Variants in SKAP2 observed in about 807,000 individuals in gnomAD.
SKAP2 encodes the protein src kinase associated phosphoprotein 2.
In SKAP2, 28 loss-of-function variants were observed where a neutral mutation model predicts 54.9. The ratio of observed to expected loss-of-function variants is 0.51; its 90% CI spans 0.38 to 0.70. The LOEUF (loss-of-function observed/expected upper bound fraction) is 0.70, where lower values mean the gene tolerates loss of function less well. Among genes scored for constraint, SKAP2 ranks in the 30% least tolerant of loss-of-function variants. SKAP2 has a pLI of 0.00. For missense variants in SKAP2, 356 were observed against 424.1 expected (o/e 0.84, Z 1.41); for synonymous variants, 137 against 134.3 (o/e 1.02, Z -0.14).
chr7:26,722,385 AT>A lies in SKAP2; in HGVS notation c.796+3042del, dbSNP rs35643377. Among the ~76,000 whole-genome samples the A allele has an allele frequency of 9.5e-3, 848 of 89,000 alleles. 4 individuals carry two copies. Among genetic ancestry groups the A allele is most frequent in the African/African-American group, 0.036 (786 of 22,074 alleles). The allele number at this position is 89,000 out of a possible 152,430, so 58.4% of individuals were successfully genotyped here. A position where few individuals can be genotyped will look rare whatever the true frequency, so the allele number is the denominator to read the frequency against. On this transcript the variant is annotated intron_variant, in intron 9 of 12. Coordinates refer to ENST00000345317, the MANE Select transcript of SKAP2 (RefSeq NM_003930.5). ...TTTTCAAGGGATATTATGCAATGCA[AT>A]TTTTTTTTTTTTTTTTTTTTTTTGA...
intron 3 of SKAP2, among the ~76,000 whole-genome samples, chr7:26,848,662 G>A (rs1784976584): frequency 6.6e-6 from 1 of 152,132 alleles, no homozygotes; most frequent in Non-Finnish European, 1.5e-5. Flanking sequence ...GACAAATGGG[G>A]AAAAATTACT....
intron 8 of SKAP2, 111 bp downstream of exon 8, chr7:26,725,812 C>G: frequency 1.1e-6 from 1 of 901,266 alleles, no homozygotes; most frequent in Middle Eastern, 3.2e-4. Context: ...CAGTCACATT[C>G]AAGTTGGTCA....
At chr7:26,708,329 C>T (rs1787214438) in intron 9 of SKAP2, among the ~76,000 whole-genome samples, 1 of 152,126 alleles carries the variant, frequency 6.6e-6, no homozygotes, top group African/African-American at 2.4e-5. Context: ...GGGGTTTCTT[C>T]CACCACTTCC....
intron 3 of SKAP2, among the ~76,000 whole-genome samples, chr7:26,845,116 C>T (rs950850359): frequency 1.3e-5 from 2 of 152,128 alleles, no homozygotes; most frequent in Non-Finnish European, 2.9e-5. Flanking sequence ...GAAAAACAGC[C>T]ACCTCAGGGA....
intron 4 of SKAP2, among the ~76,000 whole-genome samples, chr7:26,796,630 T>C (rs567128016): frequency 6.6e-6 from 1 of 152,346 alleles, no homozygotes; most frequent in East Asian, 1.9e-4. Context: ...AGATAATCGA[T>C]TGCATAAATA....
intron 4 of SKAP2, among the ~76,000 whole-genome samples, chr7:26,809,251 T>C (rs549627554): frequency 1.2e-4 from 18 of 152,106 alleles, no homozygotes; most frequent in Admixed American, 1.2e-3. Flanking sequence ...TCATCTCTAC[T>C]AAACATACAA....
At chr7:26,827,801 CTTAAT>C (rs1312875780) in intron 4 of SKAP2, among the ~76,000 whole-genome samples, 1 of 152,128 alleles carries the variant, frequency 6.6e-6, no homozygotes, top group African/African-American at 2.4e-5. Context: ...AATGCTTATT[CTTAAT>C]TTTTGTACTT....
At chr7:26,796,393 A>G (rs1783780820) in intron 4 of SKAP2, among the ~76,000 whole-genome samples, 1 of 152,262 alleles carries the variant, frequency 6.6e-6, no homozygotes, top group Non-Finnish European at 1.5e-5. Flanking sequence ...TAAATTGCAT[A>G]TCGCAGTAAA....
chr7:26,857,315 A>T, intron 1 of SKAP2: 1 of 206,720 alleles, frequency 4.8e-6, no homozygotes, highest in Non-Finnish European at 8.2e-6. Flanking sequence ...TTGCTTAAAA[A>T]AAAAAAAAAA....
At chr7:26,677,056 G>C (rs895422696) in intron 11 of SKAP2, among the ~76,000 whole-genome samples, 1 of 152,212 alleles carries the variant, frequency 6.6e-6, no homozygotes, top group African/African-American at 2.4e-5. Flanking sequence ...ACATCAGGTT[G>C]ATTTGGTTTC....
intron 3 of SKAP2, among the ~76,000 whole-genome samples, chr7:26,852,615 A>C (rs1785067747): frequency 6.6e-6 from 1 of 152,202 alleles, no homozygotes; most frequent in Non-Finnish European, 1.5e-5. Flanking sequence ...ATAAATTTCC[A>C]TTCTCTTTAG....
chr7:26,674,882 G>A (rs1248495287), intron 11 of SKAP2, among the ~76,000 whole-genome samples: 2 of 152,136 alleles, frequency 1.3e-5, no homozygotes, highest in African/African-American at 4.8e-5. Context: ...TTTCTACAAA[G>A]TTGACAGTTA....
chr7:26,794,224 C>T (rs1014606784), intron 4 of SKAP2, among the ~76,000 whole-genome samples: 3 of 152,120 alleles, frequency 2.0e-5, no homozygotes, highest in African/African-American at 7.2e-5. Flanking sequence ...ATATATTTCA[C>T]CTATAATAAT....
intron 1 of SKAP2, chr7:26,857,381 G>T: frequency 1.4e-6 from 1 of 721,522 alleles, no homozygotes; most frequent in Non-Finnish European, 1.7e-6. Flanking sequence ...TTTGTTGACT[G>T]TCCACAACCA....
At chr7:26,719,835 A>G (rs1787539236) in intron 9 of SKAP2, among the ~76,000 whole-genome samples, 1 of 152,232 alleles carries the variant, frequency 6.6e-6, no homozygotes, top group Admixed American at 6.5e-5. Context: ...AAAATGAATT[A>G]ACTCATATGG....
At chr7:26,733,951 G>C (rs1787872520) in intron 6 of SKAP2, among the ~76,000 whole-genome samples, 1 of 152,140 alleles carries the variant, frequency 6.6e-6, no homozygotes. Flanking sequence ...AAAATGGGGA[G>C]AGACTAGGTT....
chr7:26,722,707 C>A (rs1307499265), intron 9 of SKAP2, among the ~76,000 whole-genome samples: 1 of 152,126 alleles, frequency 6.6e-6, no homozygotes, highest in Non-Finnish European at 1.5e-5. Context: ...CTGCGCCCAG[C>A]CCATTGCAAT....
At chr7:26,806,105 G>A (rs749926476) in intron 4 of SKAP2, among the ~76,000 whole-genome samples, 1 of 152,160 alleles carries the variant, frequency 6.6e-6, no homozygotes, top group Non-Finnish European at 1.5e-5. Flanking sequence ...TAAATATTGT[G>A]TATGTTTTGA....
chr7:26,694,677 T>C (rs1312017029), intron 9 of SKAP2, among the ~76,000 whole-genome samples: 2 of 151,210 alleles, frequency 1.3e-5, no homozygotes, highest in Admixed American at 1.3e-4. Flanking sequence ...AAAAAACAAC[T>C]GCACCCACCC....
Sources: allele counts gnomAD v4.1 joint callset (sites outside exome capture counted in the v4.1 genomes callset), GRCh38; gene constraint gnomAD v4.1.1; transcripts MANE v1.5; gene names NCBI Gene and HGNC (gene_info 2026-07-23, HGNC 2026-07-21).